Variants in DSCAM observed in about 807,000 individuals in gnomAD.
DSCAM encodes the protein DS cell adhesion molecule.
In DSCAM, 47 loss-of-function variants were observed where a neutral mutation model predicts 217.7. The ratio of observed to expected loss-of-function variants is 0.22; its 90% CI spans 0.17 to 0.28. The LOEUF (loss-of-function observed/expected upper bound fraction) is 0.28. DSCAM is among the 10% of genes least tolerant of loss of function. The pLI, the probability that DSCAM is intolerant of heterozygous loss-of-function variation, is 1.00. For missense variants in DSCAM, 2,080 were observed against 2,618.3 expected, an observed-to-expected ratio of 0.79 and a Z score of 4.49; for synonymous variants, 1,056 against 1,015.3, an observed-to-expected ratio of 1.04 and a Z score of -0.76.
At chr21:40,453,023 C>T (rs1408193637) in intron 3 of DSCAM, among the ~76,000 whole-genome samples, 1 of 144,126 alleles carries the variant, frequency 6.9e-6, no homozygotes, top group Non-Finnish European at 1.5e-5. Flanking sequence ...CTCTCTGGTT[C>T]CTGAATTTTA....
chr21:40,344,247 TA>T (rs1428429671), intron 6 of DSCAM, among the ~76,000 whole-genome samples: 9 of 152,174 alleles, frequency 5.9e-5, no homozygotes, highest in Non-Finnish European at 1.2e-4. Context: ...TTAAAGAAAT[TA>T]AAAAAGAAAA....
chr21:40,271,249 T>C (rs1242451565), intron 11 of DSCAM, among the ~76,000 whole-genome samples: 4 of 152,044 alleles, frequency 2.6e-5, no homozygotes, highest in Non-Finnish European at 2.9e-5. Flanking sequence ...CGGGCTAACT[T>C]TGGGAGCTTG....
chr21:40,161,372 A>G (rs1216229183), intron 16 of DSCAM, among the ~76,000 whole-genome samples: 1 of 152,106 alleles, frequency 6.6e-6, no homozygotes, highest in Admixed American at 6.5e-5. Flanking sequence ...CACCAAAAAG[A>G]TGCAAATTTA....
In DSCAM at chr21:40,044,262, C is replaced by T. The variant is rs2088807311; in HGVS notation, c.5199G>A (p.Arg1733=). The change falls in exon 31 of 33, where the codon AGG becomes AGA. Residue 1733 remains arginine (R), a synonymous_variant. Coordinates refer to ENST00000400454, the MANE Select transcript of DSCAM (RefSeq NM_001389.5). ...DARPGTNPTT[R]RNAKAGPTAR... ...CTGTGGGCCCAGCCTTGGCATTCCT[C>T]CTGGTGGTGGGATCTGTGAAGAGCC... 5 of 1,613,930 alleles carry T rather than the reference C, an allele frequency of 3.1e-6. No individual in the cohort carries two copies. Among genetic ancestry groups the T allele is most frequent in the African/African-American group, 1.3e-5 (1 of 75,040 alleles).
At chr21:40,558,758 TAC>T (rs2076692922) in intron 3 of DSCAM, among the ~76,000 whole-genome samples, 2 of 152,214 alleles carry the variant, frequency 1.3e-5, no homozygotes, top group African/African-American at 4.8e-5. Flanking sequence ...ATGTTATTTT[TAC>T]CAAGTTTTTG....
intron 1 of DSCAM, among the ~76,000 whole-genome samples, chr21:40,720,939 T>C (rs545982358): frequency 2.3e-4 from 35 of 152,264 alleles, no homozygotes; most frequent in African/African-American, 7.7e-4. Context: ...TGTGCTGATA[T>C]TTGCATGCGT....
chr21:40,754,041 A>G (rs751864234), intron 1 of DSCAM, among the ~76,000 whole-genome samples: 1 of 152,226 alleles, frequency 6.6e-6, no homozygotes, highest in Non-Finnish European at 1.5e-5. Flanking sequence ...TGAACATGAC[A>G]GTGACAGCAA....
intron 10 of DSCAM, 37 bp downstream of exon 10, chr21:40,296,018 G>A (rs562719507): frequency 1.9e-6 from 3 of 1,600,158 alleles, no homozygotes; most frequent in South Asian, 2.3e-5. Flanking sequence ...CATAGCAAAT[G>A]TTTGACAGGT....
intron 3 of DSCAM, among the ~76,000 whole-genome samples, chr21:40,582,273 A>G (rs1327720243): frequency 6.6e-6 from 1 of 152,206 alleles, no homozygotes; most frequent in Non-Finnish European, 1.5e-5. Flanking sequence ...AAATAATGAG[A>G]ATACTTATTA....
chr21:40,052,125 C>T lies in DSCAM; in HGVS notation c.5036-18G>A. On this transcript the variant is annotated intron_variant, in intron 29 of 32. Coordinates refer to ENST00000400454, the MANE Select transcript of DSCAM (RefSeq NM_001389.5). ...GCGATCATCTACAGGATGGCAGGAA[C>T]ACAGAAAGCCAAACACGTTTATCTC... The T allele has an allele frequency of 6.2e-7, 1 of 1,612,292 alleles. No individual in the cohort carries two copies. The highest frequency in any genetic ancestry group is 8.5e-7 in the Non-Finnish European group (1 of 1,179,212).
chr21:40,320,963 G>A (rs1382993649), intron 8 of DSCAM, among the ~76,000 whole-genome samples: 2 of 152,176 alleles, frequency 1.3e-5, no homozygotes, highest in African/African-American at 2.4e-5. Context: ...CCCTACAAGA[G>A]TTTATGAGAG....
chr21:40,417,101 C>A (rs1456019240), intron 3 of DSCAM, among the ~76,000 whole-genome samples: 1 of 152,158 alleles, frequency 6.6e-6, no homozygotes, highest in East Asian at 1.9e-4. Context: ...TGACAACTCC[C>A]AACTGAATAG....
At chr21:40,620,304 AAGAGAG>A (rs771649302) in intron 3 of DSCAM, among the ~76,000 whole-genome samples, 5 of 113,968 alleles carry the variant, frequency 4.4e-5, no homozygotes, top group African/African-American at 1.3e-4. Flanking sequence ...AAGAAAAAGA[AAGAGAG>A]AGAGAAAGAG....
chr21:40,586,620 C>G (rs962433720), intron 3 of DSCAM, among the ~76,000 whole-genome samples: 7 of 152,174 alleles, frequency 4.6e-5, no homozygotes, highest in African/African-American at 1.2e-4. Context: ...TGACCAGCTT[C>G]CAAGTGATGC....
intron 3 of DSCAM, chr21:40,383,631 CTTTCT>C (rs950941546): frequency 5.9e-5 from 9 of 152,068 alleles, no homozygotes; most frequent in African/African-American, 2.2e-4. Context: ...TCTCCTTTTT[CTTTCT>C]TTTCTTTTTT....
chr21:40,138,571 G>C (rs908289913), intron 18 of DSCAM, among the ~76,000 whole-genome samples: 1 of 144,934 alleles, frequency 6.9e-6, no homozygotes, highest in African/African-American at 2.6e-5. Context: ...GACATATACG[G>C]GGTGTGTGTG....
intron 11 of DSCAM, among the ~76,000 whole-genome samples, chr21:40,272,922 A>G (rs1446067329): frequency 6.6e-6 from 1 of 152,036 alleles, no homozygotes; most frequent in Non-Finnish European, 1.5e-5. Flanking sequence ...TTAAACAACT[A>G]GGGTTAGGCA....
chr21:40,573,706 G>A (rs1397468305), intron 3 of DSCAM, among the ~76,000 whole-genome samples: 1 of 152,064 alleles, frequency 6.6e-6, no homozygotes, highest in African/African-American at 2.4e-5. Flanking sequence ...AACAATGTGA[G>A]AAATTTGTTT....
intron 1 of DSCAM, among the ~76,000 whole-genome samples, chr21:40,841,798 A>C (rs969814015): frequency 1.1e-4 from 16 of 152,108 alleles, no homozygotes; most frequent in Non-Finnish European, 1.9e-4. Context: ...GTGCAAATGC[A>C]CCCTTCTGCG....
Sources: allele counts gnomAD v4.1 joint callset (sites outside exome capture counted in the v4.1 genomes callset), GRCh38; gene constraint gnomAD v4.1.1; transcripts MANE v1.5; gene names NCBI Gene and HGNC (gene_info 2026-07-23, HGNC 2026-07-21).